Variants in PAH observed in about 807,000 individuals in gnomAD.
PAH encodes the protein phenylalanine-4-hydroxylase.
A neutral mutation model predicts 62.0 loss-of-function variants in PAH; 64 were observed. That is an observed-to-expected ratio of 1.03 (90% CI 0.84 to 1.27). The LOEUF (loss-of-function observed/expected upper bound fraction) is 1.27, where lower values mean the gene tolerates loss of function less well. Among genes scored for constraint, PAH ranks in the 50% most tolerant of loss-of-function variants. The pLI, the probability that PAH is intolerant of heterozygous loss-of-function variation, is 0.00. For synonymous variants in PAH, 195 were observed against 196.2 expected, an observed-to-expected ratio of 0.99 and a Z score of 0.05; for missense variants, 579 against 542.8, an observed-to-expected ratio of 1.07 and a Z score of -0.66.
intron 5 of PAH, among the ~76,000 whole-genome samples, chr12:102,860,728 T>C (rs569139547): frequency 6.6e-6 from 1 of 152,240 alleles, no homozygotes; most frequent in South Asian, 2.1e-4. Flanking sequence ...AAACAAGAAA[T>C]GGGGAAAGGA....
Position 102,909,211 on chromosome 12 carries a change from A to C in PAH, c.168+3580T>G, listed in dbSNP as rs112522096. Reference sequence around the variant, plus strand: ...GTTTTTGATGACCCTGAGAGTTTTCAGGAGTAATGGTCATGTATTTTGGAT... The same window carrying C: ...GTTTTTGATGACCCTGAGAGTTTTCCGGAGTAATGGTCATGTATTTTGGAT... On this transcript the variant is annotated intron_variant, in intron 2 of 12. Transcript: ENST00000553106. Among the ~76,000 whole-genome samples the C allele has an allele frequency of 4.6e-3, 706 of 152,244 alleles. 2 individuals carry two copies. Among genetic ancestry groups the C allele is most frequent in the Non-Finnish European group, 7.6e-3 (516 of 68,012 alleles).
Position 102,894,908 on chromosome 12 carries a change from A to T in PAH, c.179T>A (p.Val60Glu). Reference sequence around the variant, plus strand: ...TCTAGATTCAATGTGGGTCAGGTTTACATCATTCTCCTAGAAGAGAGAATG... The same window carrying T: ...TCTAGATTCAATGTGGGTCAGGTTTTCATCATTCTCCTAGAAGAGAGAATG... ...KVLRLFEENDVNLTHIESRPS... is the reference protein window; with the variant it reads ...KVLRLFEENDENLTHIESRPS... The change falls in exon 3 of 13, where the codon GTA becomes GAA. Residue 60 changes from valine (V) to glutamate (E), a missense_variant. Transcript: ENST00000553106. 1.2e-6 allele frequency: 2 copies of T among 1,613,120 alleles called. No homozygotes were observed. The highest frequency in any genetic ancestry group is 1.7e-6 in the Non-Finnish European group (2 of 1,179,408).
At chr12:102,922,913 C>A (rs878932666) in intron 1 of PAH, among the ~76,000 whole-genome samples, 64 of 152,196 alleles carry the variant, frequency 4.2e-4, no homozygotes, top group East Asian at 1.9e-3. Flanking sequence ...AGAAAAAAAA[C>A]CAGATATAAA....
chr12:102,863,318 C>T (rs955837204), intron 5 of PAH, among the ~76,000 whole-genome samples: 2 of 152,076 alleles, frequency 1.3e-5, no homozygotes, highest in Non-Finnish European at 2.9e-5. Context: ...GAAATGGTAA[C>T]ATCCTGAGCA....
upstream of PAH, chr12:102,917,281 A>G: frequency 2.8e-6 from 2 of 716,778 alleles, no homozygotes; most frequent in Non-Finnish European, 2.5e-6. Flanking sequence ...ATCTCCGCAC[A>G]GTAACGCCCC....
chr12:102,873,931 A>G (rs77815544), intron 4 of PAH, among the ~76,000 whole-genome samples: 3,358 of 152,302 alleles, frequency 0.022, 132 homozygotes, highest in African/African-American at 0.075. Flanking sequence ...TTCATAAACT[A>G]CAGTTTCGGA....
chr12:102,893,771 C>T (rs1438692789), intron 3 of PAH, among the ~76,000 whole-genome samples: 1 of 152,222 alleles, frequency 6.6e-6, no homozygotes, highest in African/African-American at 2.4e-5. Context: ...CCTTTTCCTC[C>T]CCGGAGGATG....
rs1040077106 is a variant in PAH, at chr12:102,957,493, G to A, written c.-96+702C>T. On this transcript the variant is annotated intron_variant, in intron 1 of 4. Transcript: ENST00000551337. This position sits in a 1 kb window ranked among gnomAD's most constrained non-coding sequence, Gnocchi z 4.1. Reference sequence around the variant, plus strand: ...AGGAGCGGGAGAAAGGAACGGGAGGGGGGGAGAGGAGAGGAGGAGGGGGAG... The same window carrying A: ...AGGAGCGGGAGAAAGGAACGGGAGGAGGGGAGAGGAGAGGAGGAGGGGGAG... Among the ~76,000 whole-genome samples, 92 of 151,818 alleles carry A rather than the reference G, an allele frequency of 6.1e-4. No individual in the cohort carries two copies. The highest frequency in any genetic ancestry group is 2.0e-3 in the African/African-American group (84 of 41,390).
chr12:102,894,611 C>T (rs1327942756), intron 3 of PAH, 124 bp downstream of exon 3: 2 of 802,080 alleles, frequency 2.5e-6, no homozygotes, highest in Non-Finnish European at 2.0e-6. Flanking sequence ...TTTGCTTCCG[C>T]AAAATAACAG....
intron 1 of PAH, among the ~76,000 whole-genome samples, chr12:102,938,809 A>T (rs938502659): frequency 9.2e-5 from 14 of 152,252 alleles, no homozygotes; most frequent in African/African-American, 3.1e-4. Context: ...AAGGAGCCAG[A>T]TTATTCTTGA....
At chr12:102,883,624 C>G (rs2136687471) in intron 3 of PAH, among the ~76,000 whole-genome samples, 1 of 152,306 alleles carries the variant, frequency 6.6e-6, no homozygotes, top group South Asian at 2.1e-4. Flanking sequence ...CACCACATCC[C>G]AGACCTCTGA....
chr12:102,844,032 G>A (rs1011961567), intron 10 of PAH, among the ~76,000 whole-genome samples: 8 of 152,202 alleles, frequency 5.3e-5, no homozygotes, highest in Admixed American at 2.6e-4. Flanking sequence ...AATAGATGAC[G>A]TGGGAGCCAA....
At chr12:102,849,313 G>A (rs1875041037) in intron 8 of PAH, among the ~76,000 whole-genome samples, 1 of 152,158 alleles carries the variant, frequency 6.6e-6, no homozygotes, top group African/African-American at 2.4e-5. Flanking sequence ...GTTTGAGAAG[G>A]AAGATCCAGA....
chr12:102,938,741 T>C (rs1466766135), intron 1 of PAH, among the ~76,000 whole-genome samples: 1 of 152,126 alleles, frequency 6.6e-6, no homozygotes, highest in Non-Finnish European at 1.5e-5. Flanking sequence ...AGGGAGGTAG[T>C]GAAGAGCCCA....
intron 1 of PAH, among the ~76,000 whole-genome samples, chr12:102,944,465 C>T (rs1217818946): frequency 6.6e-6 from 1 of 152,094 alleles, no homozygotes; most frequent in Non-Finnish European, 1.5e-5. Flanking sequence ...CTTCTGTCTC[C>T]TTTGTGTATT....
Position 102,894,900 on chromosome 12 carries a change from T to G in PAH, c.187A>C (p.Thr63Pro), listed in dbSNP as rs199475568. 2 of 1,613,514 alleles carry G rather than the reference T, an allele frequency of 1.2e-6. No individual in the cohort carries two copies. Among genetic ancestry groups the G allele is most frequent in the Non-Finnish European group, 1.7e-6 (2 of 1,179,678 alleles). Reference protein sequence around the residue: ...RLFEENDVNLTHIESRPSRLK... With the variant: ...RLFEENDVNLPHIESRPSRLK... ...CGAGAAGGTCTAGATTCAATGTGGG[T>G]CAGGTTTACATCATTCTCCTAGAAG... The change falls in exon 3 of 13, where the codon ACC (threonine) becomes CCC (proline). Residue 63 changes from threonine (T) to proline (P), a missense_variant. Thr to Pro is a conservative substitution (Grantham distance 38). Transcript: ENST00000553106.
rs1876080229 is a variant in PAH at position 102,868,001 on chromosome 12, T to TATAG, written c.442-1339_442-1338insCTAT. ...TATATAGATGTATATTACATGTATA[T>TATAG]ATGTATATACATATATACATATATA... is the stretch of plus-strand genomic sequence containing the variant. On this transcript the variant is annotated intron_variant, in intron 4 of 12. Coordinates refer to ENST00000553106, the MANE Select transcript of PAH (RefSeq NM_000277.3). 5.1e-5 allele frequency among the ~76,000 whole-genome samples: 7 copies of TATAG among 137,978 alleles called. 1 individual carries two copies. The highest frequency in any genetic ancestry group is 2.2e-4 in the South Asian group (1 of 4,534). The allele number at this position is 137,978 out of a possible 152,430, so 90.5% of individuals were successfully genotyped here. A position where few individuals can be genotyped will look rare whatever the true frequency, so the allele number is the denominator to read the frequency against.
chr12:102,894,368 A>G (rs919677488), intron 3 of PAH, among the ~76,000 whole-genome samples: 8 of 151,996 alleles, frequency 5.3e-5, no homozygotes, highest in African/African-American at 1.7e-4. Context: ...ATTTAAAATA[A>G]AAGTCAAAAG....
At chr12:102,953,691 A>T (rs1363873637), upstream of PAH, 1 of 152,208 alleles carries the variant, frequency 6.6e-6, no homozygotes, top group Non-Finnish European at 1.5e-5. Context: ...AGGTGCAGAA[A>T]TTAAGTCCCT....
Sources: gnomAD v4.1 joint callset for allele counts (sites outside exome capture counted in the v4.1 genomes callset) on GRCh38, gnomAD v4.1.1 for gene constraint, Gnocchi (gnomAD v3.1) non-coding constraint, MANE v1.5 for transcripts, NCBI Gene and HGNC (gene_info 2026-07-23, HGNC 2026-07-21) for gene names.